Variants in EYS observed in about 807,000 individuals in gnomAD.
EYS encodes the protein protein eyes shut homolog.
A neutral mutation model predicts 282.1 loss-of-function variants in EYS; 250 were observed. The ratio of observed to expected loss-of-function variants is 0.89; its 90% CI spans 0.80 to 0.98. The LOEUF is 0.98. Ranked by LOEUF, EYS falls within the 50% of genes least tolerant of loss-of-function variation. The pLI, the probability that EYS is intolerant of heterozygous loss-of-function variation, is 0.00. For missense variants in EYS, 4,016 were observed against 3,709.0 expected (o/e 1.08, Z -2.15); for synonymous variants, 1,355 against 1,282.9 (o/e 1.06, Z -1.20).
chr6:64,684,095 T>C (rs558049977), intron 22 of EYS, among the ~76,000 whole-genome samples: 1 of 152,158 alleles, frequency 6.6e-6, no homozygotes, highest in African/African-American at 2.4e-5. Flanking sequence ...AGCCTTACAA[T>C]GCATATCTTA....
chr6:65,219,794 G>A (rs1031806915), intron 12 of EYS, among the ~76,000 whole-genome samples: 1 of 152,084 alleles, frequency 6.6e-6, no homozygotes, highest in Admixed American at 6.6e-5. Flanking sequence ...GAGGCAAAAG[G>A]TACATCTTAC....
chr6:64,680,227 A>G (rs1383939170), intron 22 of EYS, among the ~76,000 whole-genome samples: 1 of 152,236 alleles, frequency 6.6e-6, no homozygotes, highest in Non-Finnish European at 1.5e-5. Context: ...CTGCCTTAGT[A>G]GTAAAGTGGA....
intron 12 of EYS, among the ~76,000 whole-genome samples, chr6:65,140,557 C>T (rs2150208277): frequency 1.3e-5 from 2 of 151,278 alleles, no homozygotes; most frequent in East Asian, 2.0e-4. Context: ...AACAGGCAAC[C>T]TACAAAATGG....
At chr6:65,411,372 T>C (rs916475095) in intron 5 of EYS, among the ~76,000 whole-genome samples, 12 of 152,126 alleles carry the variant, frequency 7.9e-5, no homozygotes, top group Non-Finnish European at 1.8e-4. Flanking sequence ...TGTGTGATTT[T>C]TCACATTTCA....
intron 35 of EYS, among the ~76,000 whole-genome samples, chr6:63,933,789 T>C (rs898362512): frequency 6.6e-6 from 1 of 152,108 alleles, no homozygotes; most frequent in Non-Finnish European, 1.5e-5. Context: ...CAAATATATA[T>C]TTCATGTTAT....
At chr6:64,476,211 T>G (rs1179228032) in intron 26 of EYS, among the ~76,000 whole-genome samples, 3 of 152,176 alleles carry the variant, frequency 2.0e-5, no homozygotes, top group Non-Finnish European at 4.4e-5. Context: ...CTGTGCATGC[T>G]GCCCTCCTGT....
intron 30 of EYS, among the ~76,000 whole-genome samples, chr6:64,266,897 C>T (rs1048352635): frequency 6.6e-6 from 1 of 152,058 alleles, no homozygotes; most frequent in Non-Finnish European, 1.5e-5. Context: ...AAAGCCACTG[C>T]AAATAGTGAG....
At chr6:63,732,372 T>C (rs149862577) in intron 41 of EYS, among the ~76,000 whole-genome samples, 49 of 152,230 alleles carry the variant, frequency 3.2e-4, no homozygotes, top group Middle Eastern at 6.8e-3. Context: ...CTGGGGAGGA[T>C]TGCATTTTCT....
Position 65,495,231 on chromosome 6 carries a change from CA to C in EYS, c.179del (p.Leu60TrpfsTer3), listed in dbSNP as rs786205652. The C allele has an allele frequency of 6.2e-7, 1 of 1,614,084 alleles. No homozygotes were observed. The highest frequency in any genetic ancestry group is 2.2e-5 in the East Asian group (1 of 44,878). The part of the protein sequence containing the change: ...CLDFYRDCWF[L>X]GVNTKIDTSG... Reference sequence around the variant, plus strand: ...AAGTATCTATTTTAGTGTTTACACCCAAAAACCAGCAATCTCTGTAGAAGTC... The same window carrying C: ...AAGTATCTATTTTAGTGTTTACACCCAAAACCAGCAATCTCTGTAGAAGTC... On this transcript the variant is annotated frameshift_variant, in exon 4 of 43. Coordinates refer to ENST00000503581, the MANE Select transcript of EYS (RefSeq NM_001142800.2). LOFTEE classifies it high-confidence loss of function.
intron 2 of EYS, among the ~76,000 whole-genome samples, chr6:65,507,782 T>G (rs1385993326): frequency 1.3e-5 from 2 of 152,142 alleles, no homozygotes; most frequent in Non-Finnish European, 2.9e-5. Context: ...TAGCATTTTC[T>G]TTCAGTTCTT....
At chr6:63,838,104 A>G (rs1181565246) in intron 36 of EYS, among the ~76,000 whole-genome samples, 1 of 152,150 alleles carries the variant, frequency 6.6e-6, no homozygotes, top group Non-Finnish European at 1.5e-5. Context: ...TAATGTCTGC[A>G]TGATTTCAAG....
intron 19 of EYS, among the ~76,000 whole-genome samples, chr6:64,827,826 G>A (rs946243166): frequency 6.6e-6 from 1 of 151,626 alleles, no homozygotes; most frequent in African/African-American, 2.4e-5. Context: ...TATTCTATGA[G>A]GAATAATCTA....
intron 22 of EYS, among the ~76,000 whole-genome samples, chr6:64,805,243 T>C (rs1764389227): frequency 6.6e-6 from 1 of 152,004 alleles, no homozygotes; most frequent in African/African-American, 2.4e-5. Flanking sequence ...CTTAATTGTA[T>C]CCCCAAATGG....
intron 15 of EYS, among the ~76,000 whole-genome samples, chr6:64,923,068 G>A (rs768378): frequency 0.031 from 4,726 of 152,046 alleles, 132 homozygotes; most frequent in East Asian, 0.13. Context: ...GTTGAGTAAG[G>A]CCATTTGGCT....
At chr6:64,707,087 A>G (rs150116495) in intron 22 of EYS, among the ~76,000 whole-genome samples, 1 of 145,552 alleles carries the variant, frequency 6.9e-6, no homozygotes, top group Non-Finnish European at 1.5e-5. Context: ...GGACAAAGAA[A>G]TTGTGAGATA....
intron 1 of EYS, among the ~76,000 whole-genome samples, chr6:65,655,222 T>C (rs1483429085): frequency 2.0e-5 from 3 of 151,656 alleles, no homozygotes; most frequent in African/African-American, 7.2e-5. Context: ...TTCTCAATAA[T>C]TTATTTAAAT....
At chr6:63,841,529 C>T (rs758760964) in intron 36 of EYS, among the ~76,000 whole-genome samples, 6 of 152,228 alleles carry the variant, frequency 3.9e-5, no homozygotes, top group Non-Finnish European at 7.4e-5. Flanking sequence ...GAACAGTGTC[C>T]GTATTGCAAG....
At chr6:63,880,485 C>CTATCTATCTATCTATCTA (rs756807407) in intron 35 of EYS, among the ~76,000 whole-genome samples, 15 of 105,724 alleles carry the variant, frequency 1.4e-4, no homozygotes, top group South Asian at 5.8e-4. Context: ...GTCTGTCTGT[C>CTATCTATCTATCTATCTA]TGTATCTATC....
chr6:65,169,214 G>A lies in EYS; in HGVS notation c.2024-111487C>T, dbSNP rs76130731. On this transcript the variant is annotated intron_variant, in intron 12 of 42. Transcript: ENST00000503581. ...AAATGTATTCTATTATTTTTAACTAGTTGATTATCTTTCATGAAATTAGAT... is the reference window on the plus strand; with the variant it reads ...AAATGTATTCTATTATTTTTAACTAATTGATTATCTTTCATGAAATTAGAT... Among the ~76,000 whole-genome samples the A allele has an allele frequency of 8.0e-3, 1,212 of 151,358 alleles. 11 individuals are homozygous for A. The highest frequency in any genetic ancestry group is 0.026 in the African/African-American group (1,093 of 41,382).
Sources: allele counts gnomAD v4.1 joint callset (sites outside exome capture counted in the v4.1 genomes callset), GRCh38; gene constraint gnomAD v4.1.1; transcripts MANE v1.5; gene names NCBI Gene and HGNC (gene_info 2026-07-23, HGNC 2026-07-21).